The following PRKCQ variants were observed in gnomAD, a reference collection of about 807,000 sequenced individuals.
The protein encoded by PRKCQ is protein kinase C theta type.
In PRKCQ, 41 loss-of-function variants were observed where a neutral mutation model predicts 91.2. The ratio of observed to expected loss-of-function variants is 0.45; its 90% CI spans 0.35 to 0.58. The LOEUF (loss-of-function observed/expected upper bound fraction) is 0.58, where lower values mean the gene tolerates loss of function less well. Among genes scored for constraint, PRKCQ ranks in the 20% least tolerant of loss-of-function variants. The pLI, the probability that PRKCQ is intolerant of heterozygous loss-of-function variation, is 0.00. For synonymous variants in PRKCQ, 307 were observed against 316.9 expected, an observed-to-expected ratio of 0.97 and a Z score of 0.33; for missense variants, 673 against 896.5, an observed-to-expected ratio of 0.75 and a Z score of 3.18.
chr10:6,549,884 G>A (rs1168763242), intron 1 of PRKCQ, among the ~76,000 whole-genome samples: 9 of 151,886 alleles, frequency 5.9e-5, no homozygotes, highest in East Asian at 1.9e-4. Context: ...TGGCCACCTC[G>A]GCCTCCCAAA....
rs1199883156 is a variant in PRKCQ at position 6,580,079 on chromosome 10, C to T, written c.-10+132G>A. The stretch of plus-strand genomic sequence containing the variant: ...CGCCCGCTTGGTTCCATTTCCTACT[C>T]CGCCTGCTCACCCGGCAGCCCTCAC... On this transcript the variant is annotated intron_variant, in intron 1 of 17. Transcript: ENST00000263125. 2.6e-5 allele frequency: 4 copies of T among 152,274 alleles called. No homozygotes were observed. In the South Asian group the frequency reaches 8.3e-4, roughly 31 times the overall value. The allele number at this position is 152,274 out of a possible 1,614,324, so 9.4% of individuals were successfully genotyped here. A position where few individuals can be genotyped will look rare whatever the true frequency, so the allele number is the denominator to read the frequency against.
At chr10:6,476,544 G>A (rs1836279810) in intron 12 of PRKCQ, among the ~76,000 whole-genome samples, 2 of 152,066 alleles carry the variant, frequency 1.3e-5, no homozygotes, top group South Asian at 2.1e-4. Flanking sequence ...TCTCACTTAT[G>A]ATTTCATAAA....
At chr10:6,478,924 G>GA in intron 12 of PRKCQ, 68 bp downstream of exon 12, 1 of 1,544,630 alleles carries the variant, frequency 6.5e-7, no homozygotes, top group Non-Finnish European at 8.8e-7. Flanking sequence ...CCTAATGAGG[G>GA]CGCCATTGAA....
chr10:6,436,459 T>C (rs921527896), intron 16 of PRKCQ, among the ~76,000 whole-genome samples: 4 of 152,188 alleles, frequency 2.6e-5, no homozygotes, highest in Non-Finnish European at 5.9e-5. Flanking sequence ...ATACTACTTA[T>C]GCCATTTTAT....
chr10:6,521,379 C>G (rs1838996241), intron 1 of PRKCQ, among the ~76,000 whole-genome samples: 1 of 152,164 alleles, frequency 6.6e-6, no homozygotes, highest in Admixed American at 6.5e-5. Flanking sequence ...AAGGATTCAG[C>G]CCAGCACTTG....
intron 3 of PRKCQ, 113 bp from the exon 4 acceptor site, chr10:6,507,609 T>C: frequency 1.1e-6 from 1 of 909,786 alleles, no homozygotes; most frequent in Non-Finnish European, 1.8e-6. Context: ...ATACAATCAT[T>C]GTTACTCTCC....
chr10:6,472,557 C>A (rs1028286933), intron 12 of PRKCQ, among the ~76,000 whole-genome samples: 1 of 152,180 alleles, frequency 6.6e-6, no homozygotes, highest in Non-Finnish European at 1.5e-5. Context: ...ATGCGTTTTA[C>A]GCCTTGAGAG....
intron 11 of PRKCQ, among the ~76,000 whole-genome samples, chr10:6,481,645 A>T (rs892958275): frequency 6.6e-6 from 1 of 152,270 alleles, no homozygotes; most frequent in African/African-American, 2.4e-5. Flanking sequence ...GCTCAATATT[A>T]TTCAGCTGTG....
downstream of PRKCQ, among the ~76,000 whole-genome samples, chr10:6,426,357 G>A (rs946634221): frequency 2.9e-4 from 44 of 152,322 alleles, 1 homozygote; most frequent in Middle Eastern, 3.4e-3. Context: ...AGAACAGAAC[G>A]GGCGGCTCCC....
chr10:6,531,186 A>G (rs1235560186), intron 1 of PRKCQ, among the ~76,000 whole-genome samples: 1 of 151,746 alleles, frequency 6.6e-6, no homozygotes, highest in East Asian at 1.9e-4. Flanking sequence ...AGCTTTAGCA[A>G]GGCCGCCAGG....
intron 8 of PRKCQ, among the ~76,000 whole-genome samples, chr10:6,486,761 A>G (rs968503637): frequency 6.6e-6 from 1 of 151,994 alleles, no homozygotes; most frequent in Admixed American, 6.5e-5. Flanking sequence ...ATTCCTGCCC[A>G]CTCCAGTCTG....
rs557493407 is a variant in PRKCQ, at chr10:6,476,412, G to A, written c.1353+2580C>T. On this transcript the variant is annotated intron_variant, in intron 12 of 17. Transcript: ENST00000263125. ...AAATGTGTTTATAGTAACATACACA[G>A]AAAGATATAATAAAAATAAAATCAG... Among the ~76,000 whole-genome samples, 4 of 151,418 alleles carry A rather than the reference G, an allele frequency of 2.6e-5. No homozygotes were observed. The South Asian group carries it at 8.4e-4, about 32-fold the overall frequency.
At position 6,545,676 on chromosome 10, in the gene PRKCQ, G is replaced by T. The variant is rs117974928; in HGVS notation, c.-9-30532C>A. Among the ~76,000 whole-genome samples the T allele has an allele frequency of 4.1e-3, 628 of 152,230 alleles. 4 individuals carry two copies. The highest frequency in any genetic ancestry group is 0.011 in the Admixed American group (165 of 15,282). On this transcript the variant is annotated intron_variant, in intron 1 of 17. Coordinates refer to ENST00000263125, the MANE Select transcript of PRKCQ (RefSeq NM_006257.5). ...CTGGAGATGCGTGGTGGCGATGGTT[G>T]CATAATACTGTGAATGTTCTCATGT...
chr10:6,423,051 A>T (rs999991490), downstream of PRKCQ, among the ~76,000 whole-genome samples: 1 of 152,132 alleles, frequency 6.6e-6, no homozygotes, highest in Non-Finnish European at 1.5e-5. Context: ...ATTTCAGAGG[A>T]CAAATAGAGG....
chr10:6,407,274 T>TG, the PRKCQ span, among the ~76,000 whole-genome samples: 1 of 72,820 alleles, frequency 1.4e-5, no homozygotes, highest in Non-Finnish European at 2.8e-5. The surrounding 1 kb of genome is among the most constrained non-coding windows in gnomAD (Gnocchi z 4.0). Flanking sequence ...TGCCGGGGTG[T>TG]GGGGGGTGTG....
intron 2 of PRKCQ, among the ~76,000 whole-genome samples, chr10:6,514,743 A>G (rs1838664634): frequency 6.6e-6 from 1 of 152,164 alleles, no homozygotes. Context: ...TCCTTATGTA[A>G]TTTCCTCAAC....
At chr10:6,469,155 A>G (rs915027041) in intron 12 of PRKCQ, among the ~76,000 whole-genome samples, 1 of 152,200 alleles carries the variant, frequency 6.6e-6, no homozygotes, top group Middle Eastern at 3.2e-3. Flanking sequence ...GAGGCCCCAC[A>G]CTGTGGGTCC....
rs544042677 is a variant in PRKCQ at position 6,460,824 on chromosome 10, C to T, written c.1508+1479G>A. Among the ~76,000 whole-genome samples the T allele has an allele frequency of 3.3e-5, 5 of 151,256 alleles. No individual in the cohort carries two copies. The East Asian group carries it at 7.8e-4, about 23-fold the overall frequency. Reference sequence around the variant, plus strand: ...TTTATTTATCTCCCCACCCATCCATCACCATCCATCCATCCATCCCATCCA... The same window carrying T: ...TTTATTTATCTCCCCACCCATCCATTACCATCCATCCATCCATCCCATCCA... On this transcript the variant is annotated intron_variant, in intron 14 of 17. Coordinates refer to ENST00000263125, the MANE Select transcript of PRKCQ (RefSeq NM_006257.5).
intron 4 of PRKCQ, among the ~76,000 whole-genome samples, chr10:6,506,996 T>C (rs1412779099): frequency 6.6e-6 from 1 of 152,256 alleles, no homozygotes; most frequent in African/African-American, 2.4e-5. Context: ...TAACTTCAAG[T>C]GTTAGCATTT....
Sources: gnomAD v4.1 joint callset for allele counts (sites outside exome capture counted in the v4.1 genomes callset) on GRCh38, gnomAD v4.1.1 for gene constraint, Gnocchi (gnomAD v3.1) non-coding constraint, MANE v1.5 for transcripts, NCBI Gene and HGNC (gene_info 2026-07-23, HGNC 2026-07-21) for gene names.